CHD8: variants seen among roughly 807,000 people sequenced by gnomAD.
CHD8 encodes ATP-dependent chromatin remodeler CHD8.
A neutral mutation model predicts 279.2 loss-of-function variants in CHD8; 31 were observed. The observed-to-expected ratio is 0.11, with a 90% confidence interval of 0.08 to 0.15. The LOEUF is 0.15. Ranked by LOEUF, CHD8 falls within the 10% of genes least tolerant of loss-of-function variation. The pLI, the probability that CHD8 is intolerant of heterozygous loss-of-function variation, is 1.00. For missense variants in CHD8, 2,146 were observed against 3,230.5 expected, an observed-to-expected ratio of 0.66 and a Z score of 8.14; for synonymous variants, 1,081 against 1,139.6, an observed-to-expected ratio of 0.95 and a Z score of 1.04.
chr14:21,439,646 A>T (rs975341831), intron 1 of CHD8, among the ~76,000 whole-genome samples: 11 of 152,206 alleles, frequency 7.2e-5, no homozygotes, highest in African/African-American at 2.7e-4. Flanking sequence ...TACTCACCCT[A>T]CTAATCCATT....
Position 21,403,313 on chromosome 14 carries a change from T to C in CHD8, c.3519-101A>G. 1 of 1,330,246 alleles carries C rather than the reference T, an allele frequency of 7.5e-7. No homozygotes were observed. The highest frequency in any genetic ancestry group is 1.0e-6 in the Non-Finnish European group (1 of 965,414). 82.4% of individuals were successfully genotyped at this position (1,330,246 alleles called of 1,614,324 possible). A position where few individuals can be genotyped will look rare whatever the true frequency, so the allele number is the denominator to read the frequency against. On this transcript the variant is annotated intron_variant, in intron 17 of 37. Transcript: ENST00000646647. This position sits in a 1 kb window ranked among gnomAD's most constrained non-coding sequence, Gnocchi z 4.3. ...ACCAGTACTCCCATATCAAAGCTGG[T>C]CAAAAACCCAAGTTGAGAGTGAGAA...
chr14:21,410,038 C>G, intron 10 of CHD8, 50 bp from the exon 11 acceptor site: 2 of 1,530,044 alleles, frequency 1.3e-6, no homozygotes, highest in Non-Finnish European at 1.8e-6. Context: ...GTGTTCTCTG[C>G]TCCAGTTAAA....
chr14:21,445,089 G>T (rs560680522), intron 1 of CHD8, among the ~76,000 whole-genome samples: 3 of 152,220 alleles, frequency 2.0e-5, no homozygotes, highest in African/African-American at 7.2e-5. Flanking sequence ...CCCGTACCCA[G>T]TATTTTAAAT....
At chr14:21,439,311 T>C (rs1364311517) in intron 1 of CHD8, among the ~76,000 whole-genome samples, 1 of 152,158 alleles carries the variant, frequency 6.6e-6, no homozygotes, top group Non-Finnish European at 1.5e-5. Context: ...TAATTACCAC[T>C]CCTGTAAACA....
At chr14:21,438,805 G>A (rs1889884051) in intron 1 of CHD8, among the ~76,000 whole-genome samples, 2 of 151,166 alleles carry the variant, frequency 1.3e-5, no homozygotes, top group South Asian at 4.2e-4. Context: ...CTCCAGCCTG[G>A]TGACACAGCG....
In CHD8 at chr14:21,427,795, A is replaced by C. The variant is rs8015402; in HGVS notation, c.1601+74T>G. The C allele has an allele frequency of 0.019, 28,269 of 1,455,260 alleles. 1,965 individuals carry two copies. The African/African-American group carries it at 0.25, about 13-fold the overall frequency. 90.1% of individuals were successfully genotyped at this position (1,455,260 alleles called of 1,614,324 possible). ...AGATGTTTGCTCTGCCCTCAAATGTACCATCCCAATAGCAAGGAGTACTCA... is the reference window on the plus strand; with the variant it reads ...AGATGTTTGCTCTGCCCTCAAATGTCCCATCCCAATAGCAAGGAGTACTCA... On this transcript the variant is annotated intron_variant, in intron 4 of 37. Transcript: ENST00000646647.
chr14:21,426,706 T>C (rs1889334789), intron 4 of CHD8: 1 of 152,682 alleles, frequency 6.5e-6, no homozygotes, highest in Admixed American at 6.5e-5. Context: ...ATTATTATAA[T>C]TACACCACAA....
At chr14:21,420,793 G>A (rs145296381) in intron 5 of CHD8, among the ~76,000 whole-genome samples, 2,014 of 148,802 alleles carry the variant, frequency 0.014, 40 homozygotes, top group African/African-American at 0.047. Flanking sequence ...ACGGAGTTTC[G>A]CTCTTGTTGC....
rs779668676 is a variant in CHD8 at position 21,391,914 on chromosome 14, G to A, written c.6804C>T (p.His2268=). The A allele has an allele frequency of 6.8e-6, 11 of 1,613,670 alleles. No individual in the cohort carries two copies. The highest frequency in any genetic ancestry group is 8.5e-6 in the Non-Finnish European group (10 of 1,179,802). ...CCATTACTCCATTCGCCATCAACTT[G>A]TGCTTCTGGAATGTTAACTTCAATC... The part of the protein sequence containing the change: ...EEGLKLTFQK[H]KLMANGVMGD... The change falls in exon 35 of 38, where the codon CAC becomes CAT. Residue 2268 remains histidine, a synonymous_variant. Transcript: ENST00000646647.
Position 21,450,885 on chromosome 14 carries a change from T to C in CHD8, c.-216+5147A>G, listed in dbSNP as rs543352030. 9.8e-4 allele frequency among the ~76,000 whole-genome samples: 149 copies of C among 151,744 alleles called. 4 individuals carry two copies. Among genetic ancestry groups the C allele is most frequent in the Non-Finnish European group, 1.5e-4 (10 of 68,016 alleles). On this transcript the variant is annotated intron_variant, in intron 1 of 37. Transcript: ENST00000646647. ...GACACTACCCAAAGGATTGGCACTA[T>C]CACATTTAAGGTGCTAACATACAAG...
At chr14:21,415,452 T>C (rs1470263834) in intron 7 of CHD8, 122 bp downstream of exon 7, 1 of 475,336 alleles carries the variant, frequency 2.1e-6, no homozygotes, top group Non-Finnish European at 3.3e-6. Flanking sequence ...TACGATCATA[T>C]CTATGAATAG....
At chr14:21,411,362 T>C (rs1243699553) in intron 10 of CHD8, among the ~76,000 whole-genome samples, 2 of 152,200 alleles carry the variant, frequency 1.3e-5, no homozygotes, top group Non-Finnish European at 2.9e-5. Flanking sequence ...TTCTACCGTG[T>C]CCTGGATATC....
At chr14:21,447,860 G>A (rs1274997970) in intron 1 of CHD8, among the ~76,000 whole-genome samples, 1 of 152,134 alleles carries the variant, frequency 6.6e-6, no homozygotes, top group Non-Finnish European at 1.5e-5. Context: ...TGGATCTGGA[G>A]AAGTTGCTCT....
intron 21 of CHD8, 80 bp downstream of exon 21, chr14:21,401,321 TCA>T: frequency 1.2e-6 from 1 of 851,832 alleles, no homozygotes; most frequent in Non-Finnish European, 1.8e-6. Flanking sequence ...ACAATTAGCA[TCA>T]AATAATCAGA....
At chr14:21,449,916 A>G (rs564436293) in intron 1 of CHD8, among the ~76,000 whole-genome samples, 1 of 152,234 alleles carries the variant, frequency 6.6e-6, no homozygotes, top group African/African-American at 2.4e-5. Context: ...AAGCAGTCAT[A>G]TTTGTAAAAC....
At position 21,393,937 on chromosome 14, in the gene CHD8, G is replaced by A; in HGVS notation, c.5858C>T (p.Pro1953Leu). 1 of 1,613,912 alleles carries A rather than the reference G, an allele frequency of 6.2e-7. No individual in the cohort carries two copies. The highest frequency in any genetic ancestry group is 1.1e-5 in the South Asian group (1 of 91,092). The stretch of plus-strand genomic sequence containing the variant: ...ACGGGCAGCCAGAAAAGAGAAGTCT[G>A]GGTCCTGCATGATGTTGCAGTCTGT... Reference protein sequence around the residue: ...SQTDCNIMQDPDFSFLAARMN... With the variant: ...SQTDCNIMQDLDFSFLAARMN... Residue 1953 changes from proline to leucine, a missense_variant, in exon 32 of 38, where the codon CCA becomes CTA. Transcript: ENST00000646647.
intron 1 of CHD8, among the ~76,000 whole-genome samples, chr14:21,438,814 C>T (rs775855246): frequency 3.0e-4 from 43 of 145,478 alleles, no homozygotes; most frequent in African/African-American, 9.8e-4. Context: ...GGTGACACAG[C>T]GAGACTCTGT....
chr14:21,405,566 A>G lies in CHD8; in HGVS notation c.3052-102T>C. 6.7e-7 allele frequency: 1 copy of G among 1,499,652 alleles called. No homozygotes were observed. The highest frequency in any genetic ancestry group is 9.0e-7 in the Non-Finnish European group (1 of 1,110,136). 92.9% of individuals were successfully genotyped at this position (1,499,652 alleles called of 1,614,324 possible). ...AAATTAGAGTTTTCCACTATCTAAGAAATGTATACTTTGGATGATGCCACA... is the reference window on the plus strand; with the variant it reads ...AAATTAGAGTTTTCCACTATCTAAGGAATGTATACTTTGGATGATGCCACA... On this transcript the variant is annotated intron_variant, in intron 15 of 37. Transcript: ENST00000646647. The surrounding 1 kb of genome is among the most constrained non-coding windows in gnomAD (Gnocchi z 4.2).
At chr14:21,428,344 A>G in intron 3 of CHD8, 90 bp from the exon 4 acceptor site, 2 of 1,164,430 alleles carry the variant, frequency 1.7e-6, no homozygotes, top group Non-Finnish European at 2.4e-6. Flanking sequence ...GCTAGAAACT[A>G]GTTCTTTAAT....
Sources: gnomAD v4.1 joint callset for allele counts (sites outside exome capture counted in the v4.1 genomes callset) on GRCh38, gnomAD v4.1.1 for gene constraint, Gnocchi (gnomAD v3.1) non-coding constraint, MANE v1.5 for transcripts, NCBI Gene and HGNC (gene_info 2026-07-23, HGNC 2026-07-21) for gene names.